Variants in INTS1 observed in about 807,000 individuals in gnomAD.
INTS1 encodes integrator complex subunit 1.
A neutral mutation model predicts 241.6 loss-of-function variants in INTS1; 137 were observed. The ratio of observed to expected loss-of-function variants is 0.57; its 90% confidence interval spans 0.49 to 0.65. The LOEUF is 0.65. Ranked by LOEUF, INTS1 falls within the 30% of genes least tolerant of loss-of-function variation. INTS1 has a pLI of 0.00. For missense variants in INTS1, 3,073 were observed against 3,032.2 expected (o/e 1.01, Z -0.32); for synonymous variants, 1,692 against 1,337.8 (o/e 1.26, Z -5.78).
At position 1,503,223 on chromosome 7, in the gene INTS1, A is replaced by T. The variant is rs373673933; in HGVS notation, c.59-32T>A. The T allele has an allele frequency of 2.6e-6, 4 of 1,513,508 alleles. No individual in the cohort carries two copies. In the African/African-American group the frequency reaches 5.6e-5, roughly 21 times the overall value. 93.8% of individuals were successfully genotyped at this position (1,513,508 alleles called of 1,614,324 possible). On this transcript the variant is annotated intron_variant, in intron 2 of 47. Transcript: ENST00000404767. ...AGAAAGGAGAGAGAAAACCGGGCACATTTGCAACACCCAAGATGGAAAAAG... is the reference window on the plus strand; with the variant it reads ...AGAAAGGAGAGAGAAAACCGGGCACTTTTGCAACACCCAAGATGGAAAAAG...
chr7:1,500,328 C>T lies in INTS1; in HGVS notation c.388G>A (p.Glu130Lys), dbSNP rs1783105619. Residue 130 changes from glutamate (E) to lysine (K), a missense_variant, in exon 4 of 48, where the codon GAG becomes AAG. Coordinates refer to ENST00000404767, the MANE Select transcript of INTS1 (RefSeq NM_001080453.3). Reference protein sequence around the residue: ...TVLLDEIEAAELEGNDDRIEG... With the variant: ...TVLLDEIEAAKLEGNDDRIEG... ...ATCCTGTCATCGTTGCCCTCCAGCTCGGCCGCCTCGATCTCATCCAGCAGC... is the reference window on the plus strand; with the variant it reads ...ATCCTGTCATCGTTGCCCTCCAGCTTGGCCGCCTCGATCTCATCCAGCAGC... The T allele has an allele frequency of 1.9e-6, 3 of 1,587,912 alleles. No individual in the cohort carries two copies. Among genetic ancestry groups the T allele is most frequent in the Non-Finnish European group, 2.6e-6 (3 of 1,165,734 alleles).
Position 1,500,218 on chromosome 7 carries a change from G to A in INTS1, c.498C>T (p.Tyr166=). ...PDSTLYLSLM[Y]LAKIKPNIFA... is the part of the protein sequence containing the mutation. ...AGATGTTGGGCTTGATCTTGGCCAG[G>A]TACATGAGGCTCAGGTAGAGGGTGC... is the stretch of plus-strand genomic sequence containing the variant. The change falls in exon 4 of 48, where the codon TAC becomes TAT. Residue 166 remains tyrosine, a synonymous_variant. Transcript: ENST00000404767. 1 of 1,604,880 alleles carries A rather than the reference G, an allele frequency of 6.2e-7. No homozygotes were observed. Among genetic ancestry groups the A allele is most frequent in the Non-Finnish European group, 8.5e-7 (1 of 1,174,734 alleles).
At position 1,484,146 on chromosome 7, in the gene INTS1, G is replaced by A. The variant is rs373184951; in HGVS notation, c.3286C>T (p.Arg1096Cys). ...AAGAGGTGGGACATGATGGTGGAGC[G>A]CTCCACGACCAGCCGGGCCACGTCC... ...ALDVARLVVE[R>C]STIMSHLFSK... Residue 1096 changes from arginine to cysteine, a missense_variant, in exon 25 of 48, where the codon CGC (arginine) becomes TGC (cysteine). Coordinates refer to ENST00000404767, the MANE Select transcript of INTS1 (RefSeq NM_001080453.3). 2.7e-5 allele frequency: 43 copies of A among 1,611,216 alleles called. No individual in the cohort carries two copies. The highest frequency in any genetic ancestry group is 3.2e-5 in the Non-Finnish European group (38 of 1,179,512).
In INTS1 at chr7:1,476,083, G is replaced by A. The variant is rs536846895; in HGVS notation, c.5379-12C>T. ...GCCTGCCCAGCACGCTGGAAGAGGTGGAGCAGGGCTCACCAGGCGGACGGG... is the reference window on the plus strand; with the variant it reads ...GCCTGCCCAGCACGCTGGAAGAGGTAGAGCAGGGCTCACCAGGCGGACGGG... On this transcript the variant is annotated splice_polypyrimidine_tract_variant and intron_variant, in intron 38 of 47. Coordinates refer to ENST00000404767, the MANE Select transcript of INTS1 (RefSeq NM_001080453.3). 1.5e-4 allele frequency: 235 copies of A among 1,536,350 alleles called. No homozygotes were observed. Among genetic ancestry groups the A allele is most frequent in the Admixed American group, 4.1e-4 (21 of 50,858 alleles).
chr7:1,501,356 C>A (rs1284122663), intron 3 of INTS1: 1 of 151,910 alleles, frequency 6.6e-6, no homozygotes, highest in Non-Finnish European at 1.5e-5. Context: ...TGGACAGAGG[C>A]ATTGTGATCT....
chr7:1,472,485 C>A, intron 43 of INTS1, 99 bp from the exon 44 acceptor site: 1 of 812,560 alleles, frequency 1.2e-6, no homozygotes, highest in Non-Finnish European at 1.9e-6. Context: ...CGGCCACTGC[C>A]CAGGCTCCCA....
At chr7:1,476,705 T>A (rs1562488681) in intron 36 of INTS1, 48 bp from the exon 37 acceptor site, 1 of 1,612,242 alleles carries the variant, frequency 6.2e-7, no homozygotes, top group Non-Finnish European at 8.5e-7. Flanking sequence ...CGTCTCAGCA[T>A]GGGAGATACC....
intron 14 of INTS1, chr7:1,494,445 G>A (rs183895545): frequency 4.0e-4 from 131 of 326,744 alleles, no homozygotes; most frequent in African/African-American, 2.3e-3. Context: ...GAGGCCAGCC[G>A]GCTGGGGAAG....
At chr7:1,480,290 G>A in intron 30 of INTS1, 27 bp downstream of exon 30, 1 of 1,584,476 alleles carries the variant, frequency 6.3e-7, no homozygotes, top group Non-Finnish European at 8.6e-7. Context: ...GCTGCAGGTG[G>A]AGACCCACAT....
In INTS1 at chr7:1,475,966, G is replaced by C. The variant is rs193130310; in HGVS notation, c.5484C>G (p.Ala1828=). 1.3e-6 allele frequency: 2 copies of C among 1,542,084 alleles called. No individual in the cohort carries two copies. Among genetic ancestry groups the C allele is most frequent in the Non-Finnish European group, 1.7e-6 (2 of 1,145,500 alleles). ...CCCTCACCTTGCAGACGCTGCTGCT[G>C]GCAGCCCCTTCGCTGTGCAGTAGGA... ...PEVLLHSEGA[A]SSSVCKLDGL... The change falls in exon 39 of 48, where the codon GCC becomes GCG. Residue 1828 remains alanine (A), a synonymous_variant. Coordinates refer to ENST00000404767, the MANE Select transcript of INTS1 (RefSeq NM_001080453.3).
chr7:1,494,393 C>T (rs957127414), intron 14 of INTS1: 3 of 259,108 alleles, frequency 1.2e-5, no homozygotes, highest in Non-Finnish European at 2.3e-5. Context: ...AGACCAAGAA[C>T]CCACGGGGTC....
rs779827992 is a variant in INTS1, at chr7:1,485,328, C to A, written c.3118G>T (p.Asp1040Tyr). 6.2e-7 allele frequency: 1 copy of A among 1,612,140 alleles called. No individual in the cohort carries two copies. The stretch of plus-strand genomic sequence containing the variant: ...AGGGCTGTGGTGCTCCTGACGCTGT[C>A]GAACAGAGGCAGGCGAGGCAGGTCC... The part of the protein sequence containing the change: ...LRDLPRLPLF[D>Y]SVRSTTALAL... Residue 1040 changes from aspartate to tyrosine, a missense_variant, in exon 23 of 48, where the codon GAC (aspartate) becomes TAC (tyrosine). Coordinates refer to ENST00000404767, the MANE Select transcript of INTS1 (RefSeq NM_001080453.3).
In INTS1 at chr7:1,471,572, G is replaced by C. The variant is rs199528180; in HGVS notation, c.6254C>G (p.Ser2085Trp). Residue 2085 changes from serine (S) to tryptophan (W), a missense_variant and splice_region_variant, in exon 45 of 48, where the codon TCG becomes TGG. Transcript: ENST00000404767. The stretch of plus-strand genomic sequence containing the variant: ...CTCCCTCAGCCCCATCCAGCTCACC[G>C]AGAAGAAGCTCAGGATCTCGGGTCT... ...RRRPEILSFF[S>W]TNLQRLMSSA... is the part of the protein sequence containing the mutation. The C allele has an allele frequency of 6.2e-7, 1 of 1,612,138 alleles. No homozygotes were observed. Among genetic ancestry groups the C allele is most frequent in the Non-Finnish European group, 8.5e-7 (1 of 1,179,704 alleles).
At position 1,487,377 on chromosome 7, in the gene INTS1, C is replaced by T; in HGVS notation, c.2589G>A (p.Gly863=). ...GGTTTCGGCTGCGGCACAAGAGGTG[C>T]CCGAGGCGGAGGGACTGGTTGAGGC... ...VKSLNQSLRL[G]HLLCRSRNPD... The change falls in exon 20 of 48, where the codon GGG becomes GGA. Residue 863 remains glycine (G), a synonymous_variant. Coordinates refer to ENST00000404767, the MANE Select transcript of INTS1 (RefSeq NM_001080453.3). 1 of 1,610,890 alleles carries T rather than the reference C, an allele frequency of 6.2e-7. No homozygotes were observed.
In INTS1 at chr7:1,476,261, G is replaced by A. The variant is rs761225780; in HGVS notation, c.5346C>T (p.His1782=). 2 of 1,569,482 alleles carry A rather than the reference G, an allele frequency of 1.3e-6. No homozygotes were observed. Among genetic ancestry groups the A allele is most frequent in the East Asian group, 2.4e-5 (1 of 42,322 alleles). ...CCCACTGCTGGATGCAGCCTGACAG[G>A]TGCTCCGTCACCTTCCTGACACTCT... ...DDESVRKVTE[H]LSGCIQQWGD... The change falls in exon 38 of 48, where the codon CAC becomes CAT. Residue 1782 remains histidine, a synonymous_variant. Transcript: ENST00000404767.
rs769272272 is a variant in INTS1 at position 1,496,298 on chromosome 7, G to A, written c.1603-34C>T. 12 of 1,530,434 alleles carry A rather than the reference G, an allele frequency of 7.8e-6. No individual in the cohort carries two copies. The East Asian group carries it at 2.7e-4, about 35-fold the overall frequency. The allele number at this position is 1,530,434 out of a possible 1,614,324, so 94.8% of individuals were successfully genotyped here. A position where few individuals can be genotyped will look rare whatever the true frequency, so the allele number is the denominator to read the frequency against. ...GCAGCACGGGGTCTGTATCCAGAAG[G>A]GACACCCGGGAGCCCCACTCCACAC... On this transcript the variant is annotated intron_variant, in intron 11 of 47. Transcript: ENST00000404767.
chr7:1,498,948 G>GGGGGCCC, intron 8 of INTS1, 27 bp downstream of exon 8: 1 of 946,740 alleles, frequency 1.1e-6, no homozygotes, highest in Non-Finnish European at 1.4e-6. Flanking sequence ...CCCCTGCCCC[G>GGGGGCCC]CCCACCCCCC....
intron 3 of INTS1, among the ~76,000 whole-genome samples, chr7:1,502,661 C>T (rs1247394428): frequency 2.6e-5 from 4 of 152,202 alleles, no homozygotes; most frequent in Admixed American, 6.5e-5. Context: ...AGACAAACAA[C>T]TCAATAAGGG....
chr7:1,475,753 G>A (rs746441534), intron 39 of INTS1, among the ~76,000 whole-genome samples, 195 bp downstream of exon 39: 8 of 152,240 alleles, frequency 5.3e-5, no homozygotes, highest in Non-Finnish European at 5.9e-5. Context: ...CAGACTGTGC[G>A]AGCAGAGCAC....
Sources: gnomAD v4.1 joint callset for allele counts (sites outside exome capture counted in the v4.1 genomes callset) on GRCh38, gnomAD v4.1.1 for gene constraint, MANE v1.5 for transcripts, NCBI Gene and HGNC (gene_info 2026-07-23, HGNC 2026-07-21) for gene names.